Variants in FMO1 observed in about 807,000 individuals in gnomAD.
The protein encoded by FMO1 is flavin containing dimethylaniline monoxygenase 1.
In FMO1, 36 loss-of-function variants were observed where a neutral mutation model predicts 45.4. The observed-to-expected ratio is 0.79, with a 90% CI of 0.61 to 1.05. The LOEUF is 1.05. Among genes scored for constraint, FMO1 ranks in the 50% least tolerant of loss-of-function variants. The pLI, the probability that FMO1 is intolerant of heterozygous loss-of-function variation, is 0.00. For synonymous variants in FMO1, 228 were observed against 227.2 expected, an observed-to-expected ratio of 1.00 and a Z score of -0.03; for missense variants, 615 against 640.3, an observed-to-expected ratio of 0.96 and a Z score of 0.43.
At chr1:171,253,345 A>G (rs180948165) in intron 1 of FMO1, among the ~76,000 whole-genome samples, 1 of 152,282 alleles carries the variant, frequency 6.6e-6, no homozygotes, top group Non-Finnish European at 1.5e-5. Context: ...AAAAATATCA[A>G]ATTAAACCCT....
intron 2 of FMO1, among the ~76,000 whole-genome samples, chr1:171,259,202 GAAGTA>G (rs1660285514): frequency 1.3e-5 from 2 of 152,222 alleles, no homozygotes; most frequent in South Asian, 4.1e-4. Flanking sequence ...ATTTGGAACT[GAAGTA>G]AAGTAATTAT....
Position 171,265,662 on chromosome 1 carries a change from G to T in FMO1, c.133-1881G>T, listed in dbSNP as rs566683633. Among the ~76,000 whole-genome samples, 38 of 152,268 alleles carry T rather than the reference G, an allele frequency of 2.5e-4. No homozygotes were observed. The South Asian group carries it at 7.5e-3, about 30-fold the overall frequency. ...TTTTTGCCACACAAATATTTTGTAT[G>T]AAATTGCAGTTCTCCATGTTAAACA... On this transcript the variant is annotated intron_variant, in intron 2 of 8. Coordinates refer to ENST00000617670, the MANE Select transcript of FMO1 (RefSeq NM_001282693.2).
Position 171,271,576 on chromosome 1 carries a change from C to T in FMO1, c.322-3770C>T, listed in dbSNP as rs1259663443. On this transcript the variant is annotated intron_variant, in intron 3 of 8. Transcript: ENST00000617670. ...ATTTTGCCTCTTGGCTTCTTAGAAT[C>T]TCCTTTGCCAATGTTTAGTTATTTT... 14 of 799,294 alleles carry T rather than the reference C, an allele frequency of 1.8e-5. 1 individual carries two copies. Among genetic ancestry groups the T allele is most frequent in the Middle Eastern group, 6.8e-4 (2 of 2,940 alleles). 49.5% of individuals were successfully genotyped at this position (799,294 alleles called of 1,614,324 possible).
At chr1:171,283,876 T>C (rs1183354731) in intron 8 of FMO1, among the ~76,000 whole-genome samples, 1 of 152,216 alleles carries the variant, frequency 6.6e-6, no homozygotes, top group East Asian at 1.9e-4. Flanking sequence ...ATAGAAACTG[T>C]AATGTGGCTC....
At chr1:171,249,105 T>C (rs1659763027) in intron 1 of FMO1, among the ~76,000 whole-genome samples, 1 of 151,992 alleles carries the variant, frequency 6.6e-6, no homozygotes, top group African/African-American at 2.4e-5. Flanking sequence ...TTGACTAATC[T>C]GTTCTGTCAT....
At chr1:171,250,061 T>A (rs897083008) in intron 1 of FMO1, among the ~76,000 whole-genome samples, 13 of 152,186 alleles carry the variant, frequency 8.5e-5, no homozygotes, top group African/African-American at 2.9e-4. Flanking sequence ...GACAAAAACT[T>A]AATAACTATT....
chr1:171,274,089 C>T (rs552776426), intron 3 of FMO1, among the ~76,000 whole-genome samples: 7 of 146,602 alleles, frequency 4.8e-5, no homozygotes, highest in East Asian at 2.0e-4. Context: ...GCGGAGATTG[C>T]GGTGAGCCGA....
chr1:171,279,572 T>C (rs994187216), intron 5 of FMO1, among the ~76,000 whole-genome samples: 7 of 152,130 alleles, frequency 4.6e-5, no homozygotes, highest in African/African-American at 1.7e-4. Flanking sequence ...ACCTCCTACC[T>C]TCAGGCTTCT....
intron 4 of FMO1, among the ~76,000 whole-genome samples, chr1:171,277,873 A>T (rs938040761): frequency 6.6e-6 from 1 of 152,014 alleles, no homozygotes; most frequent in Admixed American, 6.6e-5. Flanking sequence ...AAGTATATAC[A>T]TTTTTCCCCT....
At chr1:171,252,798 C>T (rs781494983) in intron 1 of FMO1, among the ~76,000 whole-genome samples, 32 of 152,178 alleles carry the variant, frequency 2.1e-4, no homozygotes, top group Non-Finnish European at 4.1e-4. Context: ...CTGTGGCTAA[C>T]AGGTGGGGGT....
chr1:171,253,440 G>A (rs932655324), intron 1 of FMO1, among the ~76,000 whole-genome samples: 10 of 152,162 alleles, frequency 6.6e-5, no homozygotes, highest in African/African-American at 2.4e-4. Context: ...TGCAGAGGCA[G>A]GAGGATCACT....
chr1:171,283,539 C>T (rs1402162467), intron 8 of FMO1, among the ~76,000 whole-genome samples: 1 of 152,054 alleles, frequency 6.6e-6, no homozygotes, highest in East Asian at 1.9e-4. Flanking sequence ...CTACCAGGTA[C>T]ATTATTCCAT....
At position 171,257,087 on chromosome 1, in the gene FMO1, G is replaced by A. The variant is rs746831726; in HGVS notation, c.-6-995G>A. Reference sequence around the variant, plus strand: ...TATGTGCCAGGAGCTATTCTGAGACGCCTTACATTATTAACTCACTTGATT... The same window carrying A: ...TATGTGCCAGGAGCTATTCTGAGACACCTTACATTATTAACTCACTTGATT... On this transcript the variant is annotated intron_variant, in intron 1 of 8. Transcript: ENST00000617670. 1.3e-5 allele frequency among the ~76,000 whole-genome samples: 2 copies of A among 152,136 alleles called. 1 individual carries two copies.
Position 171,285,602 on chromosome 1 carries a change from C to A in FMO1, c.*58C>A. ...GTAGATTTACAATGCTCCAATTCCT[C>A]TCTTACAGCAATATTGCCTTCACAG... is the stretch of plus-strand genomic sequence containing the variant. On this transcript the variant is annotated 3_prime_UTR_variant, in exon 9 of 9. Coordinates refer to ENST00000617670, the MANE Select transcript of FMO1 (RefSeq NM_001282693.2). The A allele has an allele frequency of 1.9e-6, 2 of 1,043,948 alleles. No individual in the cohort carries two copies. Among genetic ancestry groups the A allele is most frequent in the Non-Finnish European group, 2.8e-6 (2 of 721,908 alleles). The allele number at this position is 1,043,948 out of a possible 1,614,324, so 64.7% of individuals were successfully genotyped here.
intron 2 of FMO1, among the ~76,000 whole-genome samples, chr1:171,265,427 A>G (rs1660578573): frequency 6.6e-6 from 1 of 152,044 alleles, no homozygotes; most frequent in African/African-American, 2.4e-5. Flanking sequence ...GAAAAAAAAA[A>G]AGAATGCTTA....
chr1:171,278,584 T>G, intron 4 of FMO1, 145 bp from the exon 5 acceptor site: 3 of 564,028 alleles, frequency 5.3e-6, no homozygotes, highest in Non-Finnish European at 9.4e-6. Context: ...TGTAAAGTCA[T>G]GTATTCATAT....
At chr1:171,253,185 A>G (rs1306442041) in intron 1 of FMO1, among the ~76,000 whole-genome samples, 2 of 152,176 alleles carry the variant, frequency 1.3e-5, no homozygotes, top group African/African-American at 2.4e-5. Flanking sequence ...TTCTTCTATC[A>G]TCATTCTTAT....
intron 3 of FMO1, among the ~76,000 whole-genome samples, chr1:171,274,028 A>G (rs1372881938): frequency 6.6e-6 from 1 of 152,062 alleles, no homozygotes; most frequent in East Asian, 1.9e-4. Context: ...ATGGGCCTGT[A>G]GTCTCAGCTA....
In FMO1 at chr1:171,278,856, C is replaced by T; in HGVS notation, c.612C>T (p.Ser204=). 1 of 1,610,714 alleles carries T rather than the reference C, an allele frequency of 6.2e-7. No individual in the cohort carries two copies. The highest frequency in any genetic ancestry group is 1.1e-5 in the South Asian group (1 of 90,578). The change falls in exon 5 of 9, where the codon AGC becomes AGT. Residue 204 remains serine (S), a synonymous_variant. Transcript: ENST00000617670. The part of the protein sequence containing the change: ...NSGTDIAVEA[S]HLAEKVFLST... ...GCACAGACATTGCTGTGGAGGCCAG[C>T]CACCTGGCGGAAAAGGTACATTCCT...
Sources: allele counts gnomAD v4.1 joint callset (sites outside exome capture counted in the v4.1 genomes callset), GRCh38; gene constraint gnomAD v4.1.1; transcripts MANE v1.5; gene names NCBI Gene and HGNC (gene_info 2026-07-23, HGNC 2026-07-21).